The following NCALD variants were observed in gnomAD, a reference collection of about 807,000 sequenced individuals.
NCALD encodes the protein neurocalcin delta.
In NCALD, 10 loss-of-function variants were observed where a neutral mutation model predicts 18.6. The ratio of observed to expected loss-of-function variants is 0.54; its 90% CI spans 0.33 to 0.91. The LOEUF is 0.91. Among genes scored for constraint, NCALD ranks in the 40% least tolerant of loss-of-function variants. The pLI is 0.03. For synonymous variants in NCALD, 88 were observed against 87.4 expected, an observed-to-expected ratio of 1.01 and a Z score of -0.04; for missense variants, 184 against 247.6, an observed-to-expected ratio of 0.74 and a Z score of 1.72.
intron 4 of NCALD, among the ~76,000 whole-genome samples, chr8:101,848,039 C>A (rs1019920520): frequency 6.6e-6 from 1 of 152,048 alleles, no homozygotes; most frequent in Non-Finnish European, 1.5e-5. Context: ...TATAAAGAGA[C>A]TTTGGGGGTT....
rs144338085 is a variant in NCALD, at chr8:101,932,560, T to C, written c.-156-16702A>G. On this transcript the variant is annotated intron_variant, in intron 2 of 6. Coordinates refer to the NCALD transcript ENST00000311028. ...GGACTTTCTTTCCATTTTTTTCCCTTAGCCAATTATTTCCCTTAACCACAG... is the reference window on the plus strand; with the variant it reads ...GGACTTTCTTTCCATTTTTTTCCCTCAGCCAATTATTTCCCTTAACCACAG... Among the ~76,000 whole-genome samples, 382 of 152,298 alleles carry C rather than the reference T, an allele frequency of 2.5e-3. 5 individuals carry two copies. Among genetic ancestry groups the C allele is most frequent in the African/African-American group, 8.0e-3 (331 of 41,550 alleles).
At chr8:102,088,915 G>C (rs906980851) in intron 1 of NCALD, among the ~76,000 whole-genome samples, 1 of 152,146 alleles carries the variant, frequency 6.6e-6, no homozygotes, top group Admixed American at 6.5e-5. Flanking sequence ...TAATAACTAG[G>C]TAGGAAATGT....
intron 1 of NCALD, among the ~76,000 whole-genome samples, chr8:102,044,870 C>T (rs1823183988): frequency 6.6e-6 from 1 of 152,060 alleles, no homozygotes; most frequent in Non-Finnish European, 1.5e-5. Flanking sequence ...GTTTGGACAC[C>T]AGTAGAACAG....
intron 1 of NCALD, among the ~76,000 whole-genome samples, chr8:102,113,518 T>G (rs1008386438): frequency 3.9e-5 from 6 of 152,270 alleles, no homozygotes; most frequent in Admixed American, 1.3e-4. Context: ...CTCATGTTTT[T>G]ATTTCATAAA....
At chr8:101,869,897 C>T (rs756461184) in intron 4 of NCALD, among the ~76,000 whole-genome samples, 1 of 152,118 alleles carries the variant, frequency 6.6e-6, no homozygotes, top group Non-Finnish European at 1.5e-5. Flanking sequence ...AAACTAGATG[C>T]AAGCAAGAAA....
chr8:101,718,024 G>A (rs1816167442), intron 2 of NCALD, among the ~76,000 whole-genome samples: 1 of 152,138 alleles, frequency 6.6e-6, no homozygotes, highest in Non-Finnish European at 1.5e-5. Context: ...CTGTGATCAT[G>A]AATATTAATC....
chr8:101,855,179 A>C (rs972952941), intron 4 of NCALD, among the ~76,000 whole-genome samples: 1 of 152,202 alleles, frequency 6.6e-6, no homozygotes, highest in Middle Eastern at 3.2e-3. Context: ...AGTAGTTGCA[A>C]GTAATGGAGA....
chr8:101,818,404 CTT>C (rs1813587995), intron 4 of NCALD, among the ~76,000 whole-genome samples: 1 of 152,156 alleles, frequency 6.6e-6, no homozygotes, highest in Non-Finnish European at 1.5e-5. Context: ...AGAATGCTGT[CTT>C]AGGAGAGCAC....
At chr8:101,953,418 T>G (rs1819506502) in intron 2 of NCALD, among the ~76,000 whole-genome samples, 1 of 152,188 alleles carries the variant, frequency 6.6e-6, no homozygotes, top group Non-Finnish European at 1.5e-5. Context: ...CTCTCTTGCC[T>G]CCAATCTGGA....
chr8:101,736,493 T>C (rs982144090), intron 1 of NCALD, among the ~76,000 whole-genome samples: 1 of 152,226 alleles, frequency 6.6e-6, no homozygotes, highest in Non-Finnish European at 1.5e-5. Flanking sequence ...GGTGTGGAGA[T>C]GCCCTAACTA....
rs964933764 is a variant in NCALD at position 101,839,293 on chromosome 8, G to GA, written c.-20+47847dup. Among the ~76,000 whole-genome samples the GA allele has an allele frequency of 9.5e-4, 141 of 148,488 alleles. 1 individual carries two copies. Among genetic ancestry groups the GA allele is most frequent in the Admixed American group, 2.5e-3 (37 of 14,960 alleles). The stretch of plus-strand genomic sequence containing the variant: ...GGACACCAAAAAGTAACAGAAGAGG[G>GA]AAAAAAAAAAGCTGTATGTCCTGTT... On this transcript the variant is annotated intron_variant, in intron 4 of 6. Transcript: ENST00000311028.
At chr8:102,014,000 C>T (rs1821994094) in intron 2 of NCALD, among the ~76,000 whole-genome samples, 2 of 152,264 alleles carry the variant, frequency 1.3e-5, no homozygotes, top group Middle Eastern at 3.4e-3. Context: ...GGAATGGGTC[C>T]TTGCTATGAC....
chr8:102,017,171 G>C (rs1822113051), intron 2 of NCALD, among the ~76,000 whole-genome samples: 1 of 152,116 alleles, frequency 6.6e-6, no homozygotes, highest in Non-Finnish European at 1.5e-5. Context: ...AAACAGGGGA[G>C]AGAAAGATAG....
intron 1 of NCALD, among the ~76,000 whole-genome samples, chr8:101,733,920 C>CT (rs1816957853): frequency 1.3e-5 from 2 of 152,146 alleles, no homozygotes; most frequent in Admixed American, 1.3e-4. Flanking sequence ...CTGAAGGCTG[C>CT]TTTTTGTTTT....
intron 1 of NCALD, among the ~76,000 whole-genome samples, chr8:102,027,100 C>G (rs1213237723): frequency 1.3e-5 from 2 of 152,220 alleles, no homozygotes; most frequent in Non-Finnish European, 2.9e-5. Context: ...CCTAGGCATC[C>G]AGGCCTTTGA....
intron 2 of NCALD, among the ~76,000 whole-genome samples, chr8:102,010,804 T>G (rs1053751817): frequency 1.3e-5 from 2 of 152,220 alleles, no homozygotes; most frequent in African/African-American, 4.8e-5. Flanking sequence ...GGACTTCCTC[T>G]TCTTCATTGT....
intron 3 of NCALD, among the ~76,000 whole-genome samples, chr8:101,893,809 G>C (rs1400500369): frequency 7.0e-6 from 1 of 142,972 alleles, no homozygotes; most frequent in Non-Finnish European, 1.5e-5. Flanking sequence ...AACAAGAAGA[G>C]CTAACTATCC....
At chr8:101,747,049 T>A (rs756527297) in intron 1 of NCALD, among the ~76,000 whole-genome samples, 4 of 152,156 alleles carry the variant, frequency 2.6e-5, no homozygotes, top group Non-Finnish European at 5.9e-5. Context: ...CTCTACGATA[T>A]CCAGTATAAG....
intron 1 of NCALD, among the ~76,000 whole-genome samples, chr8:102,036,512 C>T (rs11774180): frequency 0.077 from 11,699 of 152,034 alleles, 488 homozygotes; most frequent in African/African-American, 0.084. Context: ...TGGTGGCTCA[C>T]GCCTGTAATC....
Sources: gnomAD v4.1 joint callset for allele counts (sites outside exome capture counted in the v4.1 genomes callset) on GRCh38, gnomAD v4.1.1 for gene constraint, MANE v1.5 for transcripts, NCBI Gene and HGNC (gene_info 2026-07-23, HGNC 2026-07-21) for gene names.